ANKRD22: variants seen among roughly 807,000 people sequenced by gnomAD.
The protein encoded by ANKRD22 is ankyrin repeat domain-containing protein 22.
A neutral mutation model predicts 25.7 loss-of-function variants in ANKRD22; 24 were observed. The ratio of observed to expected loss-of-function variants is 0.93; its 90% CI spans 0.68 to 1.31. ANKRD22 has a LOEUF of 1.31. Among genes scored for constraint, ANKRD22 ranks in the 50% most tolerant of loss-of-function variants. The pLI is 0.00. For missense variants in ANKRD22, 214 were observed against 227.1 expected (o/e 0.94, Z 0.37); for synonymous variants, 84 against 84.3 (o/e 1.00, Z 0.02).
intron 1 of ANKRD22, among the ~76,000 whole-genome samples, chr10:88,843,011 G>A (rs1205146782): frequency 6.6e-6 from 1 of 152,044 alleles, no homozygotes; most frequent in Non-Finnish European, 1.5e-5. Context: ...TCATTCAAAT[G>A]TATGATGACT....
chr10:88,850,618 A>C (rs1042422219), intron 1 of ANKRD22, among the ~76,000 whole-genome samples: 1 of 152,290 alleles, frequency 6.6e-6, no homozygotes, highest in East Asian at 1.9e-4. Context: ...ACACTTGGGC[A>C]GTCTAAAGTT....
chr10:88,842,871 A>G (rs1214563), intron 1 of ANKRD22, among the ~76,000 whole-genome samples: 60,179 of 151,960 alleles, frequency 0.4, 13,036 homozygotes, highest in African/African-American at 0.58. Context: ...TTACTTGCCA[A>G]TTCTTGCTTA....
At position 88,820,630 on chromosome 10, in the gene ANKRD22, A is replaced by T; in HGVS notation, c.*2311T>A. ...TTCCCTGCACTTGGCACTAAATCCGACACTTACATTTACATTTTTTTTCTG... is the reference window on the plus strand; with the variant it reads ...TTCCCTGCACTTGGCACTAAATCCGTCACTTACATTTACATTTTTTTTCTG... On this transcript the variant is annotated 3_prime_UTR_variant, in exon 6 of 6. Transcript: ENST00000371930. 1.2e-6 allele frequency: 1 copy of T among 864,606 alleles called. No individual in the cohort carries two copies. The highest frequency in any genetic ancestry group is 1.7e-6 in the Non-Finnish European group (1 of 581,880). The allele number at this position is 864,606 out of a possible 1,614,324, so 53.6% of individuals were successfully genotyped here. A position where few individuals can be genotyped will look rare whatever the true frequency, so the allele number is the denominator to read the frequency against.
chr10:88,825,879 C>T (rs1460354604), intron 4 of ANKRD22, among the ~76,000 whole-genome samples, 159 bp downstream of exon 4: 2 of 151,938 alleles, frequency 1.3e-5, no homozygotes, highest in African/African-American at 4.8e-5. Context: ...ATATAAATAA[C>T]CTCAAGGTTG....
chr10:88,826,917 G>A (rs1458700040), intron 3 of ANKRD22, among the ~76,000 whole-genome samples: 1 of 152,224 alleles, frequency 6.6e-6, no homozygotes, highest in Non-Finnish European at 1.5e-5. Context: ...AGCTAGCACA[G>A]CGTCTGGCAC....
chr10:88,846,272 A>G (rs1170620227), intron 1 of ANKRD22, among the ~76,000 whole-genome samples: 2 of 152,170 alleles, frequency 1.3e-5, no homozygotes, highest in Admixed American at 6.6e-5. Context: ...CTGCATTACA[A>G]GCATTGGCAA....
chr10:88,828,545 A>T lies in ANKRD22; in HGVS notation c.321+14T>A. 1 of 1,557,216 alleles carries T rather than the reference A, an allele frequency of 6.4e-7. No homozygotes were observed. The highest frequency in any genetic ancestry group is 8.8e-7 in the Non-Finnish European group (1 of 1,131,742). ...CTCCACATTTGCCCTTTGCTCTACA[A>T]GTGTTGTACTCACCATGAGGAAATA... On this transcript the variant is annotated intron_variant, in intron 3 of 5. Transcript: ENST00000371930.
chr10:88,820,201 C>T lies in ANKRD22; in HGVS notation c.*2740G>A, dbSNP rs2133065705. 2 of 1,510,172 alleles carry T rather than the reference C, an allele frequency of 1.3e-6. No homozygotes were observed. The highest frequency in any genetic ancestry group is 1.8e-6 in the Non-Finnish European group (2 of 1,126,406). The allele number at this position is 1,510,172 out of a possible 1,614,324, so 93.5% of individuals were successfully genotyped here. On this transcript the variant is annotated 3_prime_UTR_variant, in exon 6 of 6. Transcript: ENST00000371930. ...TATGAGCCTGAAAGTCCAAATGTTA[C>T]CTAGAGTTAAGAACTATTCCTTTTC...
intron 1 of ANKRD22, among the ~76,000 whole-genome samples, chr10:88,833,566 C>T (rs1216149161): frequency 6.6e-6 from 1 of 152,096 alleles, no homozygotes; most frequent in African/African-American, 2.4e-5. Context: ...GGTGTATTTG[C>T]TAATAAACTG....
At chr10:88,841,555 C>T (rs540453370) in intron 1 of ANKRD22, among the ~76,000 whole-genome samples, 3 of 152,248 alleles carry the variant, frequency 2.0e-5, no homozygotes, top group Non-Finnish European at 2.9e-5. Flanking sequence ...TGCTCCAATA[C>T]ACCAGCAACA....
At chr10:88,835,809 G>A (rs924413139) in intron 1 of ANKRD22, among the ~76,000 whole-genome samples, 1 of 152,114 alleles carries the variant, frequency 6.6e-6, no homozygotes, top group Non-Finnish European at 1.5e-5. Flanking sequence ...CCACTAGGGG[G>A]CAGCGCAGCG....
chr10:88,838,798 G>A (rs1843978717), intron 1 of ANKRD22, among the ~76,000 whole-genome samples: 1 of 152,180 alleles, frequency 6.6e-6, no homozygotes, highest in Non-Finnish European at 1.5e-5. Context: ...TGACCAAGAA[G>A]TAGACTGAAT....
Position 88,848,178 on chromosome 10 carries a change from A to ATATATATG in ANKRD22, c.21+3401_21+3408dup, listed in dbSNP as rs987670828. On this transcript the variant is annotated intron_variant, in intron 1 of 5. Transcript: ENST00000371930. The stretch of plus-strand genomic sequence containing the variant: ...TATATATATATGTATATATGTGTAT[A>ATATATATG]TATATATGTATATATGTATATATAC... Among the ~76,000 whole-genome samples, 21 of 69,952 alleles carry ATATATATG rather than the reference A, an allele frequency of 3.0e-4. No individual in the cohort carries two copies. The East Asian group carries it at 3.8e-3, about 13-fold the overall frequency. 45.9% of individuals were successfully genotyped at this position (69,952 alleles called of 152,430 possible).
chr10:88,826,940 T>C (rs948194074), intron 3 of ANKRD22, among the ~76,000 whole-genome samples: 13 of 152,220 alleles, frequency 8.5e-5, no homozygotes, highest in African/African-American at 2.7e-4. Context: ...AGTAGGTCCA[T>C]AATAAACATA....
chr10:88,828,211 C>T (rs1331359101), intron 3 of ANKRD22, among the ~76,000 whole-genome samples: 2 of 152,112 alleles, frequency 1.3e-5, no homozygotes. Context: ...AATCCAAAAA[C>T]ACAAACTCCT....
At chr10:88,828,516 C>T (rs3814692) in intron 3 of ANKRD22, 43 bp downstream of exon 3, 19,667 of 1,390,832 alleles carry the variant, frequency 0.014, 392 homozygotes, top group South Asian at 0.072. Context: ...GTCACACCAT[C>T]GATCTCCACA....
At chr10:88,846,388 A>T (rs141732259) in intron 1 of ANKRD22, among the ~76,000 whole-genome samples, 1 of 152,328 alleles carries the variant, frequency 6.6e-6, no homozygotes, top group Non-Finnish European at 1.5e-5. Flanking sequence ...ATCTAAGGAC[A>T]CCATTCTCAC....
intron 1 of ANKRD22, among the ~76,000 whole-genome samples, chr10:88,840,328 A>G (rs535072340): frequency 6.6e-6 from 1 of 152,330 alleles, no homozygotes; most frequent in South Asian, 2.1e-4. Flanking sequence ...ATTACTTAAT[A>G]ATATTTTGCA....
At chr10:88,829,532 C>A (rs948857495) in intron 2 of ANKRD22, among the ~76,000 whole-genome samples, 1 of 152,076 alleles carries the variant, frequency 6.6e-6, no homozygotes, top group Non-Finnish European at 1.5e-5. Flanking sequence ...TATTTTCTTC[C>A]AGTCTTCTTA....
Sources: gnomAD v4.1 joint callset for allele counts (sites outside exome capture counted in the v4.1 genomes callset) on GRCh38, gnomAD v4.1.1 for gene constraint, MANE v1.5 for transcripts, NCBI Gene and HGNC (gene_info 2026-07-23, HGNC 2026-07-21) for gene names.